TCF12: variants seen among roughly 807,000 people sequenced by gnomAD.
TCF12 encodes DNA-binding protein HTF4.
A neutral mutation model predicts 86.0 loss-of-function variants in TCF12; 45 were observed. The observed-to-expected ratio is 0.52, with a 90% CI of 0.41 to 0.67. TCF12 has a LOEUF of 0.67. TCF12 is among the 30% of genes least tolerant of loss of function. TCF12 has a pLI of 0.00. For missense variants in TCF12, 881 were observed against 859.9 expected (o/e 1.02, Z -0.31); for synonymous variants, 330 against 299.6 (o/e 1.10, Z -1.05).
At chr15:57,276,563 G>A (rs1336813900) in intron 19 of TCF12, among the ~76,000 whole-genome samples, 5 of 152,100 alleles carry the variant, frequency 3.3e-5, no homozygotes, top group African/African-American at 1.2e-4. Context: ...TGAATACAGT[G>A]ATTTCTTAAA....
chr15:56,977,910 A>T (rs1236665732), intron 3 of TCF12, among the ~76,000 whole-genome samples: 1 of 152,170 alleles, frequency 6.6e-6, no homozygotes, highest in African/African-American at 2.4e-5. Flanking sequence ...GCTTGGAGAT[A>T]GGGCAGACAG....
At position 57,253,249 on chromosome 15, in the gene TCF12, TTAATCCA is replaced by T; in HGVS notation, c.1261-10_1261-4del. ...CAGCAATAACCACCATGTTTTTTTT[TTAATCCA>T]TACAGCAGTCTCGAATGGAGGATCG... On this transcript the variant is annotated splice_polypyrimidine_tract_variant and splice_region_variant and intron_variant, in intron 15 of 20. Coordinates refer to ENST00000333725, the MANE Select transcript of TCF12 (RefSeq NM_207037.2). The T allele has an allele frequency of 6.2e-7, 1 of 1,613,224 alleles. No individual in the cohort carries two copies. The highest frequency in any genetic ancestry group is 2.2e-5 in the East Asian group (1 of 44,864).
intron 3 of TCF12, among the ~76,000 whole-genome samples, chr15:56,980,900 G>GT (rs2140879311): frequency 6.6e-6 from 1 of 152,308 alleles, no homozygotes; most frequent in African/African-American, 2.4e-5. Context: ...GTAGATAGTT[G>GT]TTGGATAAAT....
chr15:56,984,132 C>T (rs1012478226), intron 3 of TCF12, among the ~76,000 whole-genome samples: 5 of 151,002 alleles, frequency 3.3e-5, no homozygotes, highest in Admixed American at 2.0e-4. Context: ...CTGTTTTCAC[C>T]TTTATGAACC....
At chr15:57,268,404 A>C (rs1391727454) in intron 18 of TCF12, among the ~76,000 whole-genome samples, 1 of 152,162 alleles carries the variant, frequency 6.6e-6, no homozygotes, top group Non-Finnish European at 1.5e-5. Flanking sequence ...TAAATATTGC[A>C]TACTTTTTAG....
intron 5 of TCF12, among the ~76,000 whole-genome samples, chr15:57,095,576 A>G (rs2151138411): frequency 6.6e-6 from 1 of 152,318 alleles, no homozygotes; most frequent in East Asian, 1.9e-4. Flanking sequence ...CTTAAGGTGT[A>G]AAATTATCTT....
chr15:56,943,152 T>C (rs1458384919), intron 3 of TCF12, among the ~76,000 whole-genome samples: 1 of 152,142 alleles, frequency 6.6e-6, no homozygotes, highest in Non-Finnish European at 1.5e-5. Context: ...CTCTTATTTT[T>C]TACACAATAG....
chr15:57,075,602 AT>A (rs1477627031), intron 4 of TCF12, among the ~76,000 whole-genome samples: 4 of 152,168 alleles, frequency 2.6e-5, no homozygotes, highest in Admixed American at 6.5e-5. Context: ...TAGAAGGAAT[AT>A]TTGTTTATGA....
At chr15:57,245,256 G>T (rs997396195) in intron 13 of TCF12, among the ~76,000 whole-genome samples, 13 of 152,224 alleles carry the variant, frequency 8.5e-5, no homozygotes, top group African/African-American at 2.4e-4. Context: ...GCTGCTTTCA[G>T]CTATTAGCAG....
intron 8 of TCF12, among the ~76,000 whole-genome samples, chr15:57,216,885 T>C (rs144802228): frequency 1.3e-5 from 2 of 152,076 alleles, no homozygotes; most frequent in Non-Finnish European, 2.9e-5. Flanking sequence ...AGCATACAAG[T>C]AGAATATAGG....
At position 57,007,755 on chromosome 15, in the gene TCF12, C is replaced by CTTCTTTCTTTCTTTCTTTCT. The variant is rs61173765; in HGVS notation, c.149-55978_149-55959dup. 3.0e-4 allele frequency among the ~76,000 whole-genome samples: 25 copies of CTTCTTTCTTTCTTTCTTTCT among 83,980 alleles called. 1 individual carries two copies. Among genetic ancestry groups the CTTCTTTCTTTCTTTCTTTCT allele is most frequent in the African/African-American group, 8.8e-4 (21 of 23,974 alleles). 55.1% of individuals were successfully genotyped at this position (83,980 alleles called of 152,430 possible). ...GAAAATGATGTAACAAATATTTTTC[C>CTTCTTTCTTTCTTTCTTTCT]TTCTTTCTTTCTTTCTTTCTTTCTT... is the stretch of plus-strand genomic sequence containing the variant. On this transcript the variant is annotated intron_variant, in intron 3 of 20. Coordinates refer to ENST00000333725, the MANE Select transcript of TCF12 (RefSeq NM_207037.2).
intron 3 of TCF12, among the ~76,000 whole-genome samples, chr15:56,938,652 T>C (rs1336030255): frequency 6.6e-6 from 1 of 151,944 alleles, no homozygotes; most frequent in East Asian, 1.9e-4. Flanking sequence ...TTTTTTTTTT[T>C]TTTTTTTAGT....
At chr15:57,150,744 AC>A (rs2053674686) in intron 5 of TCF12, among the ~76,000 whole-genome samples, 1 of 152,148 alleles carries the variant, frequency 6.6e-6, no homozygotes, top group Admixed American at 6.5e-5. Context: ...TTTTATAAAT[AC>A]GCTTGATAGC....
chr15:57,146,727 T>G (rs1398521060), intron 5 of TCF12, among the ~76,000 whole-genome samples: 1 of 152,246 alleles, frequency 6.6e-6, no homozygotes, highest in Non-Finnish European at 1.5e-5. Context: ...AAAGCTGTAA[T>G]ACTTAAATCA....
At chr15:57,202,523 C>T (rs1031221300) in intron 8 of TCF12, among the ~76,000 whole-genome samples, 15 of 151,248 alleles carry the variant, frequency 9.9e-5, no homozygotes, top group Admixed American at 4.6e-4. Flanking sequence ...GCAAGCTCCG[C>T]CTCCCAGATT....
At chr15:57,235,366 G>A (rs2059337766) in intron 12 of TCF12, among the ~76,000 whole-genome samples, 1 of 152,116 alleles carries the variant, frequency 6.6e-6, no homozygotes, top group Non-Finnish European at 1.5e-5. Context: ...GAAGTAACTT[G>A]AGCTCAGAAA....
intron 3 of TCF12, among the ~76,000 whole-genome samples, chr15:57,054,773 CTTTTTTTTTTTTTTTTTT>C (rs35859330): frequency 8.3e-5 from 2 of 24,166 alleles, no homozygotes; most frequent in African/African-American, 2.9e-4. Flanking sequence ...AATGCCTCTG[CTTTTTTTTTTTTTTTTTT>C]TTTTTTTTTT....
intron 4 of TCF12, among the ~76,000 whole-genome samples, chr15:57,065,910 A>G (rs1256127087): frequency 2.6e-5 from 4 of 152,152 alleles, no homozygotes; most frequent in African/African-American, 7.2e-5. Flanking sequence ...ATGTATTTCT[A>G]CCTGTCTATT....
rs1223744082 is a variant in TCF12 at position 57,075,818 on chromosome 15, CTCTCTCTCTCTCTCTCT to C, written c.222+11997_222+12013del. ...TCTTTCTTTCTTTCTCTCTCTCTCT[CTCTCTCTCTCTCTCTCT>C]TTTCTTTCTTTCTTTCTTTCTTTCT... On this transcript the variant is annotated intron_variant, in intron 4 of 20. Transcript: ENST00000333725. 4.5e-3 allele frequency among the ~76,000 whole-genome samples: 245 copies of C among 54,974 alleles called. No homozygotes were observed. In the Middle Eastern group the frequency reaches 0.048, roughly 11 times the overall value. 36.1% of individuals were successfully genotyped at this position (54,974 alleles called of 152,430 possible).
Sources: gnomAD v4.1 joint callset for allele counts (sites outside exome capture counted in the v4.1 genomes callset) on GRCh38, gnomAD v4.1.1 for gene constraint, MANE v1.5 for transcripts, NCBI Gene and HGNC (gene_info 2026-07-23, HGNC 2026-07-21) for gene names.